COL20A1: variants seen among roughly 807,000 people sequenced by gnomAD.
COL20A1 encodes collagen alpha-1(XX) chain.
In COL20A1, 164 loss-of-function variants were observed where a neutral mutation model predicts 152.9. The observed-to-expected ratio is 1.07, with a 90% CI of 0.94 to 1.22. COL20A1 has a LOEUF of 1.22. COL20A1 is among the 50% of genes most tolerant of loss of function. COL20A1 has a pLI of 0.00. For synonymous variants in COL20A1, 864 were observed against 756.0 expected (o/e 1.14, Z -2.34); for missense variants, 1,873 against 1,744.8 (o/e 1.07, Z -1.31).
In COL20A1 at chr20:63,311,807, C is replaced by T. The variant is rs2068010824; in HGVS notation, c.1663+59C>T. On this transcript the variant is annotated intron_variant, in intron 13 of 35. Transcript: ENST00000358894. This position sits in a 1 kb window ranked among gnomAD's most constrained non-coding sequence, Gnocchi z 4.4. ...GCGGGTGCCCCATCTTGTTCCTCAG[C>T]CTTCCATGGCATGGGAGACCTCAGG... 2.6e-6 allele frequency: 4 copies of T among 1,541,206 alleles called. No homozygotes were observed. Among genetic ancestry groups the T allele is most frequent in the Non-Finnish European group, 3.5e-6 (4 of 1,148,978 alleles).
intron 3 of COL20A1, among the ~76,000 whole-genome samples, chr20:63,304,805 C>T (rs2067903228): frequency 6.6e-6 from 1 of 151,974 alleles, no homozygotes; most frequent in Non-Finnish European, 1.5e-5. Context: ...CCCAGAGAAT[C>T]ACCCAGTGCT....
chr20:63,312,578 T>A, intron 15 of COL20A1, 29 bp downstream of exon 15: 1 of 1,526,618 alleles, frequency 6.6e-7, no homozygotes. Flanking sequence ...GGGCTGGGGG[T>A]CCAGCAGGGT....
intron 19 of COL20A1, 92 bp downstream of exon 19, chr20:63,314,293 C>A: frequency 8.7e-7 from 1 of 1,144,962 alleles, no homozygotes; most frequent in Non-Finnish European, 1.3e-6. Flanking sequence ...TCATCCAACC[C>A]CAGACCCAGC....
chr20:63,321,142 G>A (rs374285692), intron 26 of COL20A1, 43 bp downstream of exon 26: 10 of 1,323,084 alleles, frequency 7.6e-6, no homozygotes, highest in African/African-American at 2.9e-5. Context: ...GGGAACACTG[G>A]CCAATGTATT....
At position 63,313,798 on chromosome 20, in the gene COL20A1, C is replaced by T; in HGVS notation, c.2265C>T (p.Asp755=). The change falls in exon 18 of 36, where the codon GAC becomes GAT. Residue 755 remains aspartate, a synonymous_variant. Transcript: ENST00000358894. The surrounding 1 kb of genome is among the most constrained non-coding windows in gnomAD (Gnocchi z 5.9). The part of the protein sequence containing the change: ...SNLALASETP[D]SLQVSWTPPL... The stretch of plus-strand genomic sequence containing the variant: ...TGGCCCTGGCCTCGGAGACCCCCGA[C>T]AGCCTGCAGGTCAGCTGGACGCCCC... 6.2e-7 allele frequency: 1 copy of T among 1,610,836 alleles called. No individual in the cohort carries two copies. Among genetic ancestry groups the T allele is most frequent in the Non-Finnish European group, 8.5e-7 (1 of 1,179,162 alleles).
At chr20:63,293,629 C>T (rs1400124425) in intron 1 of COL20A1, among the ~76,000 whole-genome samples, 1 of 152,084 alleles carries the variant, frequency 6.6e-6, no homozygotes. Flanking sequence ...AGCCAGGTTT[C>T]TGGGGTGGGA....
Position 63,313,301 on chromosome 20 carries a change from G to A in COL20A1, c.2209+52G>A. ...CTGGGTGTGGGGCAGGGATGGCCCA[G>A]GGGATCCCTGACTCACCCGCTGCAC... On this transcript the variant is annotated intron_variant, in intron 17 of 35. Transcript: ENST00000358894. The surrounding 1 kb of genome is among the most constrained non-coding windows in gnomAD (Gnocchi z 5.9). 1.3e-6 allele frequency: 2 copies of A among 1,560,082 alleles called. No homozygotes were observed. Among genetic ancestry groups the A allele is most frequent in the Non-Finnish European group, 1.7e-6 (2 of 1,147,310 alleles).
chr20:63,306,885 G>T lies in COL20A1; in HGVS notation c.497-605G>T, dbSNP rs2067932672. Among the ~76,000 whole-genome samples, 1 of 152,184 alleles carries T rather than the reference G, an allele frequency of 6.6e-6. No homozygotes were observed. Among genetic ancestry groups the T allele is most frequent in the South Asian group, 2.1e-4 (1 of 4,836 alleles). ...TCCGCTGCTGTCCTCCCCTCAGGGTGCTGGGCTCTGCTGGGTCCCCTGGAC... is the reference window on the plus strand; with the variant it reads ...TCCGCTGCTGTCCTCCCCTCAGGGTTCTGGGCTCTGCTGGGTCCCCTGGAC... On this transcript the variant is annotated intron_variant, in intron 5 of 35. Transcript: ENST00000358894. The surrounding 1 kb of genome is among the most constrained non-coding windows in gnomAD (Gnocchi z 6.9).
At chr20:63,308,984 T>C (rs895745666) in intron 8 of COL20A1, among the ~76,000 whole-genome samples, 2 of 151,610 alleles carry the variant, frequency 1.3e-5, no homozygotes, top group Non-Finnish European at 2.9e-5. Flanking sequence ...ACTGAGCAGC[T>C]CCAGCTGCCC....
intron 9 of COL20A1, 26 bp from the exon 10 acceptor site, chr20:63,309,732 G>T: frequency 6.5e-7 from 1 of 1,529,270 alleles, no homozygotes; most frequent in South Asian, 1.3e-5. Flanking sequence ...GTGACCACCT[G>T]CCCCCCACTC....
At chr20:63,322,221 T>C in intron 27 of COL20A1, 110 bp downstream of exon 27, 1 of 908,586 alleles carries the variant, frequency 1.1e-6, no homozygotes, top group South Asian at 1.8e-5. Context: ...GCAGCTTCCC[T>C]AGGCAGGGTG....
Position 63,312,850 on chromosome 20 carries a change from G to C in COL20A1, c.1992G>C (p.Gln664His). The C allele has an allele frequency of 6.4e-7, 1 of 1,558,342 alleles. No homozygotes were observed. Among genetic ancestry groups the C allele is most frequent in the Non-Finnish European group, 8.7e-7 (1 of 1,151,432 alleles). The change falls in exon 16 of 36, where the codon CAG (glutamine) becomes CAC (histidine). Residue 664 changes from glutamine (Q) to histidine (H), a missense_variant. By Grantham distance (24) the Gln-to-His change is conservative. Transcript: ENST00000358894. ...CGGAGCTGCCAGGGGATGCAGTCCA[G>C]CTGGCGTGGGTGGCCGCAGCCCCGT... ...SMTELPGDAV[Q>H]LAWVAAAPSG...
chr20:63,315,377 C>A, intron 19 of COL20A1, 27 bp from the exon 20 acceptor site: 1 of 1,564,878 alleles, frequency 6.4e-7, no homozygotes. Context: ...CGCTCCCACT[C>A]ACACTGACCC....
In COL20A1 at chr20:63,325,503, G is replaced by C; in HGVS notation, c.3348+9G>C. On this transcript the variant is annotated intron_variant, in intron 28 of 35. Coordinates refer to ENST00000358894, the MANE Select transcript of COL20A1 (RefSeq NM_020882.4). ...GGCTTCCAGGCTTGCAGGTAGTGTG[G>C]CTGGGGCCAGGGGGCCACAGGGGTT... 6.2e-7 allele frequency: 1 copy of C among 1,611,646 alleles called. No individual in the cohort carries two copies. Among genetic ancestry groups the C allele is most frequent in the Non-Finnish European group, 8.5e-7 (1 of 1,178,946 alleles).
At chr20:63,293,824 T>G (rs1195064070) in intron 1 of COL20A1, among the ~76,000 whole-genome samples, 1 of 128,442 alleles carries the variant, frequency 7.8e-6, no homozygotes, top group Non-Finnish European at 1.6e-5. Flanking sequence ...GCCTTTCCCT[T>G]GCAGAGGAGC....
chr20:63,329,001 A>T (rs1281213480), intron 34 of COL20A1, among the ~76,000 whole-genome samples: 2 of 152,068 alleles, frequency 1.3e-5, no homozygotes, highest in Non-Finnish European at 2.9e-5. Flanking sequence ...GGAGAGGCTG[A>T]TTCGGGGAGC....
In COL20A1 at chr20:63,334,307, G is replaced by A. The variant is rs941809363; in HGVS notation, c.*3591G>A. On this transcript the variant is annotated 3_prime_UTR_variant, in exon 36 of 36. Transcript: ENST00000358894. Reference sequence around the variant, plus strand: ...TTAAAGAGAAAAAAGGAAACGTGAAGATACTTGTAACCAAATAATGATGGA... The same window carrying A: ...TTAAAGAGAAAAAAGGAAACGTGAAAATACTTGTAACCAAATAATGATGGA... 6.6e-6 allele frequency: 1 copy of A among 152,262 alleles called. No homozygotes were observed. Among genetic ancestry groups the A allele is most frequent in the Non-Finnish European group, 1.5e-5 (1 of 68,058 alleles). 9.4% of individuals were successfully genotyped at this position (152,262 alleles called of 1,614,324 possible).
chr20:63,315,104 G>C (rs1017989463), intron 19 of COL20A1, among the ~76,000 whole-genome samples: 4 of 152,198 alleles, frequency 2.6e-5, no homozygotes, highest in African/African-American at 9.6e-5. Flanking sequence ...CAGTACCCTC[G>C]AAGGGTATCA....
intron 21 of COL20A1, among the ~76,000 whole-genome samples, chr20:63,318,211 G>A (rs1221263069): frequency 1.3e-5 from 2 of 152,170 alleles, no homozygotes; most frequent in African/African-American, 4.8e-5. Context: ...CCCCCGTGAG[G>A]GTTGCCACAC....
Sources: gnomAD v4.1 joint callset for allele counts (sites outside exome capture counted in the v4.1 genomes callset) on GRCh38, gnomAD v4.1.1 for gene constraint, Gnocchi (gnomAD v3.1) non-coding constraint, MANE v1.5 for transcripts, NCBI Gene and HGNC (gene_info 2026-07-23, HGNC 2026-07-21) for gene names.